PLEKHM3: variants seen among roughly 807,000 people sequenced by gnomAD.
PLEKHM3 encodes the protein pleckstrin homology domain containing M3, also known as pleckstrin homology domain-containing family M member 3.
Under a neutral mutation model 81.8 loss-of-function variants are expected in PLEKHM3, and 45 were observed. That is an observed-to-expected ratio of 0.55 (90% CI 0.43 to 0.71). PLEKHM3 has a LOEUF of 0.71. Among genes scored for constraint, PLEKHM3 ranks in the 30% least tolerant of loss-of-function variants. The pLI is 0.00. For synonymous variants in PLEKHM3, 352 were observed against 356.4 expected, an observed-to-expected ratio of 0.99 and a Z score of 0.14; for missense variants, 788 against 924.3, an observed-to-expected ratio of 0.85 and a Z score of 1.91.
intron 6 of PLEKHM3, among the ~76,000 whole-genome samples, chr2:207,896,692 C>T (rs1450988388): frequency 6.6e-6 from 1 of 152,230 alleles, no homozygotes; most frequent in Admixed American, 6.5e-5. Context: ...AGCAGGGCCT[C>T]TCCCCTACTG....
chr2:207,930,926 C>G lies in PLEKHM3; in HGVS notation c.1886G>C (p.Arg629Thr). 6.2e-7 allele frequency: 1 copy of G among 1,612,660 alleles called. No homozygotes were observed. Among genetic ancestry groups the G allele is most frequent in the Non-Finnish European group, 8.5e-7 (1 of 1,179,014 alleles). ...RAAVAEDLRR[R>T]IFPREYLLQQ... ...GCCGTCTGAGATTTATGACTCTTACCTGCGGCGGAGATCCTCTGCCACCGC... is the reference window on the plus strand; with the variant it reads ...GCCGTCTGAGATTTATGACTCTTACGTGCGGCGGAGATCCTCTGCCACCGC... Residue 629 changes from arginine (R) to threonine (T), a missense_variant and splice_region_variant, in exon 5 of 8, where the codon AGA becomes ACA. Coordinates refer to ENST00000427836, the MANE Select transcript of PLEKHM3 (RefSeq NM_001080475.3).
chr2:207,913,960 C>T (rs1015437428), intron 5 of PLEKHM3, among the ~76,000 whole-genome samples: 6 of 151,952 alleles, frequency 3.9e-5, no homozygotes, highest in African/African-American at 1.2e-4. Context: ...CCCCTGACCG[C>T]GCGTGTGCGT....
chr2:207,967,188 T>A (rs957111529), intron 3 of PLEKHM3, among the ~76,000 whole-genome samples: 5 of 152,028 alleles, frequency 3.3e-5, no homozygotes, highest in African/African-American at 4.8e-5. Context: ...GGAGACAGGG[T>A]CTTGCTATGT....
intron 6 of PLEKHM3, among the ~76,000 whole-genome samples, chr2:207,883,610 A>G (rs1687781477): frequency 1.3e-5 from 2 of 152,220 alleles, no homozygotes; most frequent in Non-Finnish European, 2.9e-5. Context: ...GCGTGCAAGT[A>G]TAAGCCAGAG....
At chr2:207,849,283 G>A (rs532735290) in intron 7 of PLEKHM3, among the ~76,000 whole-genome samples, 2 of 152,142 alleles carry the variant, frequency 1.3e-5, no homozygotes, top group Admixed American at 6.5e-5. Context: ...GCAGTGAGCC[G>A]AGATCCTGCC....
chr2:207,989,614 C>G (rs923973934), intron 2 of PLEKHM3, among the ~76,000 whole-genome samples: 1 of 152,164 alleles, frequency 6.6e-6, no homozygotes, highest in African/African-American at 2.4e-5. Context: ...CACATCATGA[C>G]GCCTGGCAGA....
chr2:207,859,974 T>C (rs2092458130), intron 7 of PLEKHM3, among the ~76,000 whole-genome samples: 1 of 152,204 alleles, frequency 6.6e-6, no homozygotes, highest in Non-Finnish European at 1.5e-5. Flanking sequence ...CTAATTTTAC[T>C]CCCAGTGGTT....
At chr2:208,016,695 A>ACACACACACACACACACC (rs1559285588) in intron 1 of PLEKHM3, among the ~76,000 whole-genome samples, 2 of 147,812 alleles carry the variant, frequency 1.4e-5, no homozygotes, top group Admixed American at 6.8e-5. Flanking sequence ...ACACACACAC[A>ACACACACACACACACACC]CCCTGGTTTC....
intron 1 of PLEKHM3, among the ~76,000 whole-genome samples, chr2:208,014,920 A>T (rs966931450): frequency 2.0e-5 from 3 of 152,226 alleles, no homozygotes; most frequent in African/African-American, 7.2e-5. Flanking sequence ...AATCTCTTTA[A>T]ACATGTCCTG....
At chr2:207,992,024 G>A (rs1691916118) in intron 2 of PLEKHM3, among the ~76,000 whole-genome samples, 1 of 152,190 alleles carries the variant, frequency 6.6e-6, no homozygotes, top group South Asian at 2.1e-4. Context: ...AACACATTTG[G>A]AAAGAGGTTC....
chr2:207,995,207 G>A (rs1284139031), intron 2 of PLEKHM3, among the ~76,000 whole-genome samples: 1 of 152,138 alleles, frequency 6.6e-6, no homozygotes, highest in Non-Finnish European at 1.5e-5. Context: ...CTGTGTCCGA[G>A]TATTTCAGTG....
intron 3 of PLEKHM3, among the ~76,000 whole-genome samples, chr2:207,970,672 G>A (rs1040534784): frequency 2.6e-5 from 4 of 152,084 alleles, no homozygotes; most frequent in African/African-American, 9.7e-5. Context: ...AATTTGTCAG[G>A]CTGAACAAAG....
chr2:207,943,653 G>A (rs1331473302), intron 4 of PLEKHM3, among the ~76,000 whole-genome samples: 1 of 151,950 alleles, frequency 6.6e-6, no homozygotes, highest in Non-Finnish European at 1.5e-5. Context: ...CGGATCACGA[G>A]GTCAGGAGAT....
At position 207,822,836 on chromosome 2, in the gene PLEKHM3, C is replaced by T. The variant is rs2092226306; in HGVS notation, c.*5483G>A. The T allele has an allele frequency of 6.6e-6, 1 of 152,340 alleles. No homozygotes were observed. The highest frequency in any genetic ancestry group is 1.5e-5 in the Non-Finnish European group (1 of 68,136). The allele number at this position is 152,340 out of a possible 1,614,324, so 9.4% of individuals were successfully genotyped here. ...AAGCACGAGACAGTACTATAAGGCACTCCTACAGGGACAAGAGACACAAGG... is the reference window on the plus strand; with the variant it reads ...AAGCACGAGACAGTACTATAAGGCATTCCTACAGGGACAAGAGACACAAGG... On this transcript the variant is annotated 3_prime_UTR_variant, in exon 8 of 8. Transcript: ENST00000427836.
chr2:207,956,942 C>T (rs764947346), intron 3 of PLEKHM3, among the ~76,000 whole-genome samples: 11 of 151,848 alleles, frequency 7.2e-5, no homozygotes, highest in Non-Finnish European at 1.2e-4. Context: ...TAAGTTACTG[C>T]ACCAGTTTGA....
intron 2 of PLEKHM3, among the ~76,000 whole-genome samples, chr2:207,990,816 T>C (rs151190861): frequency 8.1e-4 from 124 of 152,368 alleles, no homozygotes; most frequent in Middle Eastern, 3.4e-3. Flanking sequence ...ATGGCTACTT[T>C]GGAGACTTTC....
In PLEKHM3 at chr2:207,825,831, A is replaced by T. The variant is rs976147935; in HGVS notation, c.*2488T>A. 5.3e-5 allele frequency: 8 copies of T among 152,224 alleles called. No homozygotes were observed. Among genetic ancestry groups the T allele is most frequent in the African/African-American group, 1.9e-4 (8 of 41,444 alleles). The allele number at this position is 152,224 out of a possible 1,614,324, so 9.4% of individuals were successfully genotyped here. A position where few individuals can be genotyped will look rare whatever the true frequency, so the allele number is the denominator to read the frequency against. On this transcript the variant is annotated 3_prime_UTR_variant, in exon 8 of 8. Coordinates refer to ENST00000427836, the MANE Select transcript of PLEKHM3 (RefSeq NM_001080475.3). ...ATCGATTTTTTGTTTCCCTTTTGAA[A>T]ATAAGCAGAAAATGATGTGGGTGGA...
chr2:207,931,017 C>T lies in PLEKHM3; in HGVS notation c.1795G>A (p.Ala599Thr). The T allele has an allele frequency of 6.2e-7, 1 of 1,614,044 alleles. No individual in the cohort carries two copies. Among genetic ancestry groups the T allele is most frequent in the African/African-American group, 1.3e-5 (1 of 75,070 alleles). The change falls in exon 5 of 8, where the codon GCC (alanine) becomes ACC (threonine). Residue 599 changes from alanine (A) to threonine (T), a missense_variant. Physicochemically the swap from Ala to Thr is moderately conservative, Grantham distance 58. Transcript: ENST00000427836. The stretch of plus-strand genomic sequence containing the variant: ...CGCTGCCGCAGCCGCAGCACGGCGG[C>T]CAGCGGCTCTGCGTGGTGGTACAGC... ...AMLYHHAEPL[A>T]AVLRLRQRLK...
intron 7 of PLEKHM3, among the ~76,000 whole-genome samples, chr2:207,855,641 T>G (rs1430418471): frequency 6.6e-6 from 1 of 152,116 alleles, no homozygotes; most frequent in Non-Finnish European, 1.5e-5. Context: ...TGATCGTATG[T>G]TCCCTTGATA....
Sources: allele counts gnomAD v4.1 joint callset (sites outside exome capture counted in the v4.1 genomes callset), GRCh38; gene constraint gnomAD v4.1.1; transcripts MANE v1.5; gene names NCBI Gene and HGNC (gene_info 2026-07-23, HGNC 2026-07-21).